The following EVC variants were observed in gnomAD, a reference collection of about 807,000 sequenced individuals.
EVC encodes EvC ciliary complex subunit 1, also known as evC complex member EVC.
A neutral mutation model predicts 118.9 loss-of-function variants in EVC; 116 were observed. The ratio of observed to expected loss-of-function variants is 0.98; its 90% confidence interval spans 0.84 to 1.14. The LOEUF (loss-of-function observed/expected upper bound fraction) is 1.14, where lower values mean the gene tolerates loss of function less well. Ranked by LOEUF, EVC falls within the 50% of genes most tolerant of loss-of-function variation. The pLI is 0.00. For synonymous variants in EVC, 619 were observed against 534.7 expected (o/e 1.16, Z -2.18); for missense variants, 1,401 against 1,246.4 (o/e 1.12, Z -1.87).
At chr4:5,770,466 A>G (rs1733770307) in intron 11 of EVC, among the ~76,000 whole-genome samples, 1 of 152,192 alleles carries the variant, frequency 6.6e-6, no homozygotes, top group Non-Finnish European at 1.5e-5. Flanking sequence ...TAAGTGCTGC[A>G]TGGCACTGGA....
chr4:5,769,489 G>A (rs908400033), intron 11 of EVC, among the ~76,000 whole-genome samples: 6 of 152,072 alleles, frequency 3.9e-5, no homozygotes, highest in East Asian at 1.9e-4. Context: ...CCTGTCTCTC[G>A]GCCTCTAAAC....
At chr4:5,775,779 A>G (rs958443938) in intron 11 of EVC, among the ~76,000 whole-genome samples, 1 of 152,198 alleles carries the variant, frequency 6.6e-6, no homozygotes, top group Non-Finnish European at 1.5e-5. Context: ...TTTCTTGGAT[A>G]TACCAAAGAG....
intron 11 of EVC, among the ~76,000 whole-genome samples, chr4:5,778,613 G>GT (rs1294858020): frequency 6.6e-6 from 1 of 151,350 alleles, no homozygotes; most frequent in Non-Finnish European, 1.5e-5. Context: ...TTTTTCATGT[G>GT]TTTTTTTGGC....
chr4:5,817,626 T>C (rs1172063005), downstream of EVC, among the ~76,000 whole-genome samples: 2 of 152,216 alleles, frequency 1.3e-5, no homozygotes, highest in African/African-American at 2.4e-5. Context: ...TTTCACTTCA[T>C]AAATGGACTT....
At position 5,750,926 on chromosome 4, in the gene EVC, G is replaced by A. The variant is rs1026786216; in HGVS notation, c.1099-1910G>A. On this transcript the variant is annotated intron_variant, in intron 8 of 20. Coordinates refer to ENST00000264956, the MANE Select transcript of EVC (RefSeq NM_153717.3). ...GAACACAGAAGAGTTGGAATTCCCA[G>A]GGCGGCATCCCATCTTTCTGGCCTG... Among the ~76,000 whole-genome samples, 4 of 152,172 alleles carry A rather than the reference G, an allele frequency of 2.6e-5. No homozygotes were observed. In the East Asian group the frequency reaches 5.8e-4, roughly 22 times the overall value.
At chr4:5,768,028 C>G (rs902189674) in intron 11 of EVC, among the ~76,000 whole-genome samples, 1 of 152,102 alleles carries the variant, frequency 6.6e-6, no homozygotes, top group Admixed American at 6.5e-5. Context: ...TTCATTCATT[C>G]AAGTATTGTT....
intron 15 of EVC, 97 bp from the exon 16 acceptor site, chr4:5,801,853 T>A (rs750477762): frequency 2.3e-5 from 32 of 1,415,306 alleles, no homozygotes; most frequent in Non-Finnish European, 2.5e-5. Context: ...AGGTGGAAGA[T>A]CTGAACCAGG....
intron 11 of EVC, among the ~76,000 whole-genome samples, chr4:5,775,017 C>G (rs925592325): frequency 2.6e-5 from 4 of 152,062 alleles, no homozygotes; most frequent in Admixed American, 6.5e-5. Flanking sequence ...GCTAATGGAC[C>G]CTGTTGTTTT....
At chr4:5,825,197 G>A in the EVC span, 14 of 985,256 alleles carry the variant, frequency 1.4e-5, no homozygotes, top group Non-Finnish European at 1.7e-5. The surrounding 1 kb of genome is among the most constrained non-coding windows in gnomAD (Gnocchi z 4.4). Context: ...GAGGAAGAGT[G>A]TGAAAGTGTC....
intron 1 of EVC, among the ~76,000 whole-genome samples, chr4:5,717,441 C>A (rs943790999): frequency 1.3e-5 from 2 of 152,140 alleles, no homozygotes; most frequent in South Asian, 2.1e-4. Flanking sequence ...TGGCTAGTGA[C>A]CCTCTAGACA....
intron 1 of EVC, among the ~76,000 whole-genome samples, chr4:5,712,140 A>T (rs1723138261): frequency 6.6e-6 from 1 of 152,224 alleles, no homozygotes; most frequent in African/African-American, 2.4e-5. Flanking sequence ...GTTTGCAAGT[A>T]AACTATCGGT....
At chr4:5,741,669 C>A (rs776182951) in intron 5 of EVC, 47 bp from the exon 6 acceptor site, 6 of 1,129,844 alleles carry the variant, frequency 5.3e-6, no homozygotes, top group Non-Finnish European at 8.0e-6. Flanking sequence ...GACAAAAATA[C>A]CATTGATTAA....
chr4:5,822,716 G>A, the EVC span, among the ~76,000 whole-genome samples: 19 of 152,250 alleles, frequency 1.2e-4, no homozygotes, highest in Admixed American at 9.2e-4. Context: ...TTGAGCCGGC[G>A]GAACTGAGGA....
At chr4:5,827,392 C>T in the EVC span, among the ~76,000 whole-genome samples, 1 of 152,202 alleles carries the variant, frequency 6.6e-6, no homozygotes, top group Admixed American at 6.5e-5. Context: ...TGCAAAGCAT[C>T]TGTGCGACTT....
intron 4 of EVC, among the ~76,000 whole-genome samples, chr4:5,732,258 G>A (rs563067022): frequency 2.4e-4 from 28 of 115,244 alleles, no homozygotes; most frequent in African/African-American, 6.2e-4. Context: ...TCAGTCTGGC[G>A]GGTTCACACA....
intron 5 of EVC, among the ~76,000 whole-genome samples, chr4:5,734,154 T>A (rs1727303300): frequency 6.6e-6 from 1 of 152,142 alleles, no homozygotes; most frequent in Admixed American, 6.6e-5. Flanking sequence ...CCGGTGGGTT[T>A]ATTCAGGCAT....
At chr4:5,762,827 G>A (rs1732285151) in intron 11 of EVC, among the ~76,000 whole-genome samples, 1 of 71,666 alleles carries the variant, frequency 1.4e-5, no homozygotes, top group Admixed American at 1.4e-4. Context: ...AGTAGGTTGC[G>A]AAAATTTTCT....
In EVC at chr4:5,743,735, T is replaced by C. The variant is rs1728958577; in HGVS notation, c.802-1469T>C. Among the ~76,000 whole-genome samples, 1 of 152,228 alleles carries C rather than the reference T, an allele frequency of 6.6e-6. No homozygotes were observed. Among genetic ancestry groups the C allele is most frequent in the Admixed American group, 6.5e-5 (1 of 15,284 alleles). ...ACTGTCATCCTCAGTATCACCACCA[T>C]GGTCATGGTCCTCAGGCAGTGCACG... is the stretch of plus-strand genomic sequence containing the variant. On this transcript the variant is annotated intron_variant, in intron 6 of 20. Coordinates refer to ENST00000264956, the MANE Select transcript of EVC (RefSeq NM_153717.3). This position sits in a 1 kb window ranked among gnomAD's most constrained non-coding sequence, Gnocchi z 4.7.
intron 1 of EVC, among the ~76,000 whole-genome samples, chr4:5,716,502 A>C (rs1170147546): frequency 1.3e-5 from 2 of 152,168 alleles, no homozygotes; most frequent in Non-Finnish European, 2.9e-5. Flanking sequence ...AGAACAAAGA[A>C]TGGTGCTCAG....
Sources: allele counts gnomAD v4.1 joint callset (sites outside exome capture counted in the v4.1 genomes callset), GRCh38; gene constraint gnomAD v4.1.1; non-coding constraint Gnocchi (gnomAD v3.1); transcripts MANE v1.5; gene names NCBI Gene and HGNC (gene_info 2026-07-23, HGNC 2026-07-21).